Variants in CACNA2D3 observed in about 807,000 individuals in gnomAD.
The protein encoded by CACNA2D3 is voltage-dependent calcium channel subunit alpha-2/delta-3.
Under a neutral mutation model 160.6 loss-of-function variants are expected in CACNA2D3, and 60 were observed. The ratio of observed to expected loss-of-function variants is 0.37; its 90% CI spans 0.30 to 0.46. CACNA2D3 has a LOEUF of 0.46. Among genes scored for constraint, CACNA2D3 ranks in the 20% least tolerant of loss-of-function variants. The pLI, the probability that CACNA2D3 is intolerant of heterozygous loss-of-function variation, is 1.00. For synonymous variants in CACNA2D3, 558 were observed against 492.9 expected (o/e 1.13, Z -1.75); for missense variants, 1,205 against 1,365.0 (o/e 0.88, Z 1.85).
At chr3:54,856,794 T>G (rs1412723250) in intron 17 of CACNA2D3, among the ~76,000 whole-genome samples, 1 of 152,164 alleles carries the variant, frequency 6.6e-6, no homozygotes, top group East Asian at 1.9e-4. Context: ...TTGTTTTTTG[T>G]TTTTGAGACA....
chr3:54,646,184 C>CTCCTTCCTTCCTTCCT (rs1438568531), intron 11 of CACNA2D3, among the ~76,000 whole-genome samples: 2 of 14,886 alleles, frequency 1.3e-4, no homozygotes, highest in Non-Finnish European at 1.5e-4. Context: ...CCCTCCCTCC[C>CTCCTTCCTTCCTTCCT]TCCTTCCTTG....
At position 54,868,336 on chromosome 3, in the gene CACNA2D3, T is replaced by A. The variant is rs1575520141; in HGVS notation, c.1627-3203T>A. Among the ~76,000 whole-genome samples the A allele has an allele frequency of 4.6e-5, 7 of 152,298 alleles. 1 individual carries two copies. The highest frequency in any genetic ancestry group is 4.6e-4 in the Admixed American group (7 of 15,296). ...ATTGTAGAAGGGCATTCTTAAACAGTGTTCCAGAGGAAGTATCCCTACCCC... is the reference window on the plus strand; with the variant it reads ...ATTGTAGAAGGGCATTCTTAAACAGAGTTCCAGAGGAAGTATCCCTACCCC... On this transcript the variant is annotated intron_variant, in intron 17 of 37. Transcript: ENST00000474759.
At chr3:54,590,571 C>T (rs1202355134) in intron 9 of CACNA2D3, among the ~76,000 whole-genome samples, 1 of 150,952 alleles carries the variant, frequency 6.6e-6, no homozygotes, top group Non-Finnish European at 1.5e-5. Context: ...TTGAAGAATA[C>T]CAGGTAAAGA....
At chr3:54,256,541 G>A (rs1311080488) in intron 2 of CACNA2D3, among the ~76,000 whole-genome samples, 1 of 152,160 alleles carries the variant, frequency 6.6e-6, no homozygotes, top group Non-Finnish European at 1.5e-5. Context: ...AAAGAAAGCA[G>A]TTTTATTAGG....
At chr3:55,054,535 C>T (rs373235236) in intron 35 of CACNA2D3, among the ~76,000 whole-genome samples, 24 of 150,632 alleles carry the variant, frequency 1.6e-4, no homozygotes, top group East Asian at 3.9e-4. Context: ...TGGAATTCCC[C>T]GTTTCATACC....
At chr3:54,874,373 T>C (rs766802784) in intron 18 of CACNA2D3, among the ~76,000 whole-genome samples, 10 of 152,040 alleles carry the variant, frequency 6.6e-5, no homozygotes, top group Admixed American at 2.6e-4. Flanking sequence ...GAATTGCCAG[T>C]GTAGATCCCC....
intron 10 of CACNA2D3, among the ~76,000 whole-genome samples, chr3:54,629,389 C>G (rs532898777): frequency 1.9e-4 from 29 of 152,234 alleles, no homozygotes; most frequent in African/African-American, 6.5e-4. Context: ...AGGCTAGGCC[C>G]TAATTTCCAG....
chr3:55,046,050 A>G (rs1043695259), intron 35 of CACNA2D3, among the ~76,000 whole-genome samples: 2 of 151,894 alleles, frequency 1.3e-5, no homozygotes, highest in African/African-American at 4.8e-5. Flanking sequence ...GTACTTCTTT[A>G]ACTATATCCT....
intron 4 of CACNA2D3, among the ~76,000 whole-genome samples, chr3:54,450,569 A>G (rs1004932561): frequency 6.6e-6 from 1 of 152,026 alleles, no homozygotes; most frequent in African/African-American, 2.4e-5. Flanking sequence ...GGAGGGGATG[A>G]GTTCTCATTA....
intron 12 of CACNA2D3, among the ~76,000 whole-genome samples, chr3:54,758,956 G>A (rs1702030664): frequency 6.6e-6 from 1 of 152,224 alleles, no homozygotes; most frequent in Admixed American, 6.5e-5. Context: ...TCATTGCAAA[G>A]TGGAGTATTT....
At chr3:54,769,492 A>G (rs1356813519) in intron 13 of CACNA2D3, among the ~76,000 whole-genome samples, 1 of 152,124 alleles carries the variant, frequency 6.6e-6, no homozygotes, top group Non-Finnish European at 1.5e-5. Context: ...CCCAGGTTTG[A>G]ATTGCATGCC....
At chr3:54,969,874 C>A in intron 29 of CACNA2D3, 30 bp downstream of exon 29, 1 of 1,601,820 alleles carries the variant, frequency 6.2e-7, no homozygotes, top group Non-Finnish European at 8.5e-7. Flanking sequence ...CTGTTTCTAC[C>A]CCTGTGGATA....
intron 2 of CACNA2D3, among the ~76,000 whole-genome samples, chr3:54,318,513 C>T (rs1575391832): frequency 6.6e-6 from 1 of 152,030 alleles, no homozygotes. Flanking sequence ...AATACCACTT[C>T]TTAATTTTTC....
intron 4 of CACNA2D3, among the ~76,000 whole-genome samples, chr3:54,389,456 T>C (rs140609651): frequency 1.1e-4 from 17 of 152,326 alleles, no homozygotes; most frequent in African/African-American, 3.4e-4. Flanking sequence ...AGGACACTTA[T>C]AGTCTCAAAC....
chr3:54,709,246 C>T (rs1158040818), intron 11 of CACNA2D3, among the ~76,000 whole-genome samples: 3 of 152,050 alleles, frequency 2.0e-5, no homozygotes, highest in African/African-American at 4.8e-5. Flanking sequence ...AACTGCTGAC[C>T]TCAAGTGATC....
chr3:54,433,919 C>T (rs1575452169), intron 4 of CACNA2D3, among the ~76,000 whole-genome samples: 1 of 152,232 alleles, frequency 6.6e-6, no homozygotes, highest in African/African-American at 2.4e-5. Context: ...AAATGATCTT[C>T]GCATGCTCCT....
chr3:54,165,114 A>ATTTTTTTTTT (rs397961895), intron 2 of CACNA2D3, among the ~76,000 whole-genome samples: 2 of 117,888 alleles, frequency 1.7e-5, no homozygotes, highest in African/African-American at 3.1e-5. Flanking sequence ...TCTGAATCTC[A>ATTTTTTTTTT]TTTTTTTTTT....
At chr3:55,002,868 C>T (rs572092701) in intron 31 of CACNA2D3, among the ~76,000 whole-genome samples, 7 of 152,146 alleles carry the variant, frequency 4.6e-5, no homozygotes, top group Non-Finnish European at 1.0e-4. Flanking sequence ...ATCCATTTAT[C>T]GGTAATGTCC....
At chr3:54,989,091 C>T (rs1702681584) in intron 31 of CACNA2D3, among the ~76,000 whole-genome samples, 1 of 152,220 alleles carries the variant, frequency 6.6e-6, no homozygotes, top group African/African-American at 2.4e-5. Context: ...GCACCACTGA[C>T]TTTTCCTATC....
Sources: gnomAD v4.1 joint callset for allele counts (sites outside exome capture counted in the v4.1 genomes callset) on GRCh38, gnomAD v4.1.1 for gene constraint, MANE v1.5 for transcripts, NCBI Gene and HGNC (gene_info 2026-07-23, HGNC 2026-07-21) for gene names.